Variants in ZC3H14 observed in about 807,000 individuals in gnomAD.
ZC3H14 encodes zinc finger CCCH domain-containing protein 14.
A neutral mutation model predicts 92.4 loss-of-function variants in ZC3H14; 31 were observed. That is an observed-to-expected ratio of 0.34 (90% CI 0.25 to 0.45). The LOEUF is 0.45. Among genes scored for constraint, ZC3H14 ranks in the 20% least tolerant of loss-of-function variants. The pLI is 1.00. For synonymous variants in ZC3H14, 321 were observed against 300.9 expected, an observed-to-expected ratio of 1.07 and a Z score of -0.69; for missense variants, 781 against 897.3, an observed-to-expected ratio of 0.87 and a Z score of 1.66.
intron 11 of ZC3H14, among the ~76,000 whole-genome samples, chr14:88,602,443 G>T (rs2084785178): frequency 6.6e-6 from 1 of 152,202 alleles, no homozygotes; most frequent in Non-Finnish European, 1.5e-5. Context: ...TTAGAAAATT[G>T]ACTGTTTCTA....
Position 88,616,947 on chromosome 14 carries a change from T to G in ZC3H14, c.*5196T>G. 1 of 1,482,464 alleles carries G rather than the reference T, an allele frequency of 6.7e-7. No individual in the cohort carries two copies. The highest frequency in any genetic ancestry group is 1.4e-5 in the African/African-American group (1 of 71,838). The allele number at this position is 1,482,464 out of a possible 1,614,324, so 91.8% of individuals were successfully genotyped here. On this transcript the variant is annotated 3_prime_UTR_variant, in exon 17 of 17. Transcript: ENST00000251038. ...GGCAGGTTGACTATATTCAAAAAGT[T>G]TCTTGGCAATTAATCTCTAAGTACC...
At position 88,615,743 on chromosome 14, in the gene ZC3H14, G is replaced by T. The variant is rs2087494884; in HGVS notation, c.*3992G>T. 3.5e-6 allele frequency: 5 copies of T among 1,425,138 alleles called. No homozygotes were observed. The East Asian group carries it at 1.2e-4, about 34-fold the overall frequency. 88.3% of individuals were successfully genotyped at this position (1,425,138 alleles called of 1,614,324 possible). On this transcript the variant is annotated 3_prime_UTR_variant, in exon 17 of 17. Transcript: ENST00000251038. ...TCTTGGGTTAGCACCACTTGACCATGCAGGGTTGGGTTTTGGTTTTTCTTC... is the reference window on the plus strand; with the variant it reads ...TCTTGGGTTAGCACCACTTGACCATTCAGGGTTGGGTTTTGGTTTTTCTTC...
chr14:88,581,636 T>C (rs750823502), intron 9 of ZC3H14, among the ~76,000 whole-genome samples: 18 of 151,998 alleles, frequency 1.2e-4, no homozygotes, highest in Non-Finnish European at 2.4e-4. Flanking sequence ...GGGCAGGAAA[T>C]GTTAACATGA....
rs1566945839 is a variant in ZC3H14 at position 88,592,490 on chromosome 14, C to CTTTTTTTTTTTTTTTTT, written c.1280-4244_1280-4243insTTTTTTTTTTTTTTTTT. The CTTTTTTTTTTTTTTTTT allele has an allele frequency of 5.2e-5, 6 of 115,984 alleles. 1 individual carries two copies. Among genetic ancestry groups the CTTTTTTTTTTTTTTTTT allele is most frequent in the Non-Finnish European group, 1.1e-4 (6 of 57,112 alleles). 7.2% of individuals were successfully genotyped at this position (115,984 alleles called of 1,614,324 possible). On this transcript the variant is annotated intron_variant, in intron 9 of 16. Transcript: ENST00000251038. Reference sequence around the variant, plus strand: ...AAGACTACCATTCTTTATAAGGATTCCTTTTTTTTTTTTTTTTTTTTTTTT... The same window carrying CTTTTTTTTTTTTTTTTT: ...AAGACTACCATTCTTTATAAGGATTCTTTTTTTTTTTTTTTTTCTTTTTTTTTTTTTTTTTTTTTTTT...
intron 1 of ZC3H14, chr14:88,563,445 C>T (rs974289383): frequency 2.8e-5 from 40 of 1,435,170 alleles, no homozygotes; most frequent in Middle Eastern, 2.6e-4. Flanking sequence ...GCTTTGGATC[C>T]GCTGCGGGAG....
chr14:88,592,881 T>C (rs2083328056), intron 9 of ZC3H14, among the ~76,000 whole-genome samples: 2 of 152,176 alleles, frequency 1.3e-5, no homozygotes, highest in Admixed American at 6.5e-5. Context: ...ATTTGTTTGC[T>C]TGGGGAGTAA....
At chr14:88,599,576 G>C (rs1231249461) in intron 10 of ZC3H14, among the ~76,000 whole-genome samples, 45 of 152,184 alleles carry the variant, frequency 3.0e-4, no homozygotes, top group Admixed American at 2.9e-3. Flanking sequence ...CCTGGAGCAT[G>C]TTACACTTGG....
intron 11 of ZC3H14, 111 bp downstream of exon 11, chr14:88,602,194 T>G: frequency 7.0e-7 from 1 of 1,433,640 alleles, no homozygotes; most frequent in Non-Finnish European, 9.7e-7. Context: ...GTAGAGTGCT[T>G]TCATTGATTC....
rs373248140 is a variant in ZC3H14 at position 88,563,116 on chromosome 14, C to G, written c.-18C>G. On this transcript the variant is annotated 5_prime_UTR_variant, in exon 1 of 17. Coordinates refer to ENST00000251038, the MANE Select transcript of ZC3H14 (RefSeq NM_024824.5). The stretch of plus-strand genomic sequence containing the variant: ...GCCAAGCGCCGCGCAGTGCTGAGTT[C>G]CCGCACGCCGCAGAGCCATGGAGAT... 103 of 1,585,544 alleles carry G rather than the reference C, an allele frequency of 6.5e-5. No homozygotes were observed. The African/African-American group carries it at 1.2e-3, about 18-fold the overall frequency.
rs755293377 is a variant in ZC3H14 at position 88,572,817 on chromosome 14, A to C, written c.671A>C (p.Asp224Ala). 6.2e-7 allele frequency: 1 copy of C among 1,614,196 alleles called. No homozygotes were observed. The highest frequency in any genetic ancestry group is 8.5e-7 in the Non-Finnish European group (1 of 1,180,044). ...CGACCACCTGCAAGTAGAAATGCAG[A>C]TAGTGGTGTTCATTTAAACAGGTTG... ...IYRPPASRNA[D>A]SGVHLNRLQF... The change falls in exon 6 of 17, where the codon GAT (aspartate) becomes GCT (alanine). Residue 224 changes from aspartate to alanine, a missense_variant. Physicochemically the swap from Asp to Ala is moderately radical, Grantham distance 126. Around this residue, in one of 3 missense-constraint regions of ZC3H14, gnomAD observed 454 missense variants for 438.5 expected, o/e 1.04. Coordinates refer to ENST00000251038, the MANE Select transcript of ZC3H14 (RefSeq NM_024824.5).
chr14:88,590,013 C>G (rs1258677201), intron 9 of ZC3H14: 1 of 152,190 alleles, frequency 6.6e-6, no homozygotes, highest in Non-Finnish European at 1.5e-5. Context: ...GCCTGTAGTC[C>G]CAGCTACTCA....
chr14:88,625,157 A>C lies in ZC3H14; in HGVS notation c.*13406A>C. 1.2e-6 allele frequency: 2 copies of C among 1,610,498 alleles called. No individual in the cohort carries two copies. The highest frequency in any genetic ancestry group is 1.7e-6 in the Non-Finnish European group (2 of 1,178,412). The stretch of plus-strand genomic sequence containing the variant: ...AAAGGAGTGGGGGAGGGGGAGACAA[A>C]CTCATCAAAAGTTCAAATAGAGTTT... On this transcript the variant is annotated 3_prime_UTR_variant, in exon 17 of 17. Transcript: ENST00000251038.
In ZC3H14 at chr14:88,577,877, T is replaced by C. The variant is rs145788471; in HGVS notation, c.1124-108T>C. ...AGCCACTGCGCCCAGCCTGAACTCA[T>C]ATGTCCTAAACCAAAGGAGGCATTT... On this transcript the variant is annotated intron_variant, in intron 8 of 16. Transcript: ENST00000251038. 1.1e-4 allele frequency: 153 copies of C among 1,449,582 alleles called. 1 individual carries two copies. The East Asian group carries it at 3.4e-3, about 32-fold the overall frequency. The allele number at this position is 1,449,582 out of a possible 1,614,324, so 89.8% of individuals were successfully genotyped here.
At position 88,624,873 on chromosome 14, in the gene ZC3H14, A is replaced by C; in HGVS notation, c.*13122A>C. 7.3e-7 allele frequency: 1 copy of C among 1,364,752 alleles called. No homozygotes were observed. Among genetic ancestry groups the C allele is most frequent in the Non-Finnish European group, 1.0e-6 (1 of 1,004,928 alleles). The allele number at this position is 1,364,752 out of a possible 1,614,324, so 84.5% of individuals were successfully genotyped here. ...CATATGAGGAGGAAGGTCGGAGAGG[A>C]CACTCTGTGTAGCCTAGAAACAACT... On this transcript the variant is annotated 3_prime_UTR_variant, in exon 17 of 17. Coordinates refer to ENST00000251038, the MANE Select transcript of ZC3H14 (RefSeq NM_024824.5).
chr14:88,614,058 G>C lies in ZC3H14; in HGVS notation c.*2307G>C, dbSNP rs2087225529. 1 of 152,176 alleles carries C rather than the reference G, an allele frequency of 6.6e-6. No homozygotes were observed. Among genetic ancestry groups the C allele is most frequent in the South Asian group, 2.1e-4 (1 of 4,834 alleles). The allele number at this position is 152,176 out of a possible 1,614,324, so 9.4% of individuals were successfully genotyped here. A position where few individuals can be genotyped will look rare whatever the true frequency, so the allele number is the denominator to read the frequency against. On this transcript the variant is annotated 3_prime_UTR_variant, in exon 17 of 17. Transcript: ENST00000251038. Reference sequence around the variant, plus strand: ...TATTCTATGTAGTTTACATGCTTAAGGTTACAGAGTTTCTACCTGCACTGT... The same window carrying C: ...TATTCTATGTAGTTTACATGCTTAACGTTACAGAGTTTCTACCTGCACTGT...
At chr14:88,580,858 A>G (rs1344466021) in intron 9 of ZC3H14, among the ~76,000 whole-genome samples, 1 of 152,240 alleles carries the variant, frequency 6.6e-6, no homozygotes, top group African/African-American at 2.4e-5. Context: ...AAGAAAAGGA[A>G]AGGTAGATTA....
intron 3 of ZC3H14, among the ~76,000 whole-genome samples, chr14:88,568,670 C>T (rs2080007115): frequency 6.6e-6 from 1 of 152,130 alleles, no homozygotes; most frequent in Non-Finnish European, 1.5e-5. Flanking sequence ...CCTTATCAGC[C>T]TCTGAAGCCA....
intron 10 of ZC3H14, among the ~76,000 whole-genome samples, chr14:88,597,845 T>C (rs1030616860): frequency 6.6e-6 from 1 of 152,230 alleles, no homozygotes. Context: ...TCTGCCTCCT[T>C]CAGCTTTTCA....
Position 88,616,653 on chromosome 14 carries a change from TG to T in ZC3H14, c.*4906del. The T allele has an allele frequency of 7.3e-7, 1 of 1,362,384 alleles. No individual in the cohort carries two copies. Among genetic ancestry groups the T allele is most frequent in the Non-Finnish European group, 9.9e-7 (1 of 1,014,250 alleles). The allele number at this position is 1,362,384 out of a possible 1,614,324, so 84.4% of individuals were successfully genotyped here. A position where few individuals can be genotyped will look rare whatever the true frequency, so the allele number is the denominator to read the frequency against. ...ATTAGGACAAAACATTTTAAATATATGGGGAAAAGTGCTGATGATAAGACAT... is the reference window on the plus strand; with the variant it reads ...ATTAGGACAAAACATTTTAAATATATGGGAAAAGTGCTGATGATAAGACAT... On this transcript the variant is annotated 3_prime_UTR_variant, in exon 17 of 17. Transcript: ENST00000251038.
Sources: gnomAD v4.1 joint callset for allele counts (sites outside exome capture counted in the v4.1 genomes callset) on GRCh38, gnomAD v4.1.1 for gene constraint, gnomAD v4.1.1 regional missense constraint, MANE v1.5 for transcripts, NCBI Gene and HGNC (gene_info 2026-07-23, HGNC 2026-07-21) for gene names.